Variants in CTNNA2 observed in about 807,000 individuals in gnomAD.
CTNNA2 encodes the protein catenin alpha-2.
A neutral mutation model predicts 101.0 loss-of-function variants in CTNNA2; 42 were observed. The ratio of observed to expected loss-of-function variants is 0.42; its 90% CI spans 0.32 to 0.54. The LOEUF is 0.54. CTNNA2 is among the 20% of genes least tolerant of loss of function. CTNNA2 has a pLI of 0.14. For missense variants in CTNNA2, 871 were observed against 1,223.1 expected (o/e 0.71, Z 4.29); for synonymous variants, 450 against 456.4 (o/e 0.99, Z 0.18).
chr2:80,395,726 A>T (rs191386355), intron 8 of CTNNA2, among the ~76,000 whole-genome samples: 35 of 152,304 alleles, frequency 2.3e-4, no homozygotes, highest in Non-Finnish European at 4.4e-4. Context: ...TACTGCTGAG[A>T]TACTTTCTAT....
intron 7 of CTNNA2, among the ~76,000 whole-genome samples, chr2:79,926,672 C>A (rs747369961): frequency 2.0e-5 from 3 of 151,730 alleles, no homozygotes; most frequent in Non-Finnish European, 4.4e-5. Context: ...GGGCTACTTG[C>A]TGACAAGGGT....
chr2:79,307,515 G>A (rs1676275353), intron 2 of CTNNA2, among the ~76,000 whole-genome samples: 1 of 152,076 alleles, frequency 6.6e-6, no homozygotes, highest in Non-Finnish European at 1.5e-5. Context: ...ATAACATAAT[G>A]TCCTCCAGCA....
intron 9 of CTNNA2, among the ~76,000 whole-genome samples, chr2:80,428,585 A>G (rs1364508909): frequency 6.6e-6 from 1 of 152,176 alleles, no homozygotes; most frequent in Non-Finnish European, 1.5e-5. Context: ...CTTTAATAAA[A>G]CATAGCCTAC....
At chr2:80,082,700 T>A (rs1223427724) in intron 7 of CTNNA2, among the ~76,000 whole-genome samples, 2 of 152,316 alleles carry the variant, frequency 1.3e-5, no homozygotes, top group Middle Eastern at 3.4e-3. Flanking sequence ...ATTAAAGTTA[T>A]CTTTATTAGA....
At chr2:80,328,268 C>T (rs766112507) in intron 7 of CTNNA2, 12 of 470,818 alleles carry the variant, frequency 2.5e-5, no homozygotes, top group Non-Finnish European at 3.5e-5. Context: ...ATTAAAGGGC[C>T]GATAACAACT....
chr2:80,528,799 A>G (rs1216073414), intron 9 of CTNNA2, among the ~76,000 whole-genome samples: 1 of 152,158 alleles, frequency 6.6e-6, no homozygotes, highest in Non-Finnish European at 1.5e-5. Context: ...TGCCTCTGAC[A>G]TGTTTTTACA....
chr2:80,095,076 T>C (rs1345622390), intron 7 of CTNNA2, among the ~76,000 whole-genome samples: 1 of 152,230 alleles, frequency 6.6e-6, no homozygotes, highest in African/African-American at 2.4e-5. Flanking sequence ...TTCCCTGTCT[T>C]GTGCCAGTTT....
At chr2:80,372,728 C>A (rs1371352633) in intron 7 of CTNNA2, among the ~76,000 whole-genome samples, 1 of 149,938 alleles carries the variant, frequency 6.7e-6, no homozygotes. Flanking sequence ...AGTCAATTTG[C>A]ATTGTATCTG....
chr2:79,897,234 A>G (rs998814920), intron 6 of CTNNA2, among the ~76,000 whole-genome samples: 2 of 151,968 alleles, frequency 1.3e-5, no homozygotes, highest in South Asian at 4.2e-4. Context: ...ATAATAACCT[A>G]TTACAGGCCA....
chr2:79,844,638 T>G (rs1274964137), intron 3 of CTNNA2, among the ~76,000 whole-genome samples: 1 of 152,146 alleles, frequency 6.6e-6, no homozygotes, highest in Non-Finnish European at 1.5e-5. Flanking sequence ...TCAGAAATCC[T>G]GTTAGAAGTA....
chr2:79,510,266 G>A (rs1353290954), upstream of CTNNA2, among the ~76,000 whole-genome samples: 1 of 152,114 alleles, frequency 6.6e-6, no homozygotes, highest in Non-Finnish European at 1.5e-5. Flanking sequence ...GACTGTATAT[G>A]TTTATGTCAT....
At chr2:79,259,731 A>G (rs1401835853) in intron 2 of CTNNA2, among the ~76,000 whole-genome samples, 1 of 152,114 alleles carries the variant, frequency 6.6e-6, no homozygotes, top group Non-Finnish European at 1.5e-5. Flanking sequence ...TGTCAGAGTG[A>G]CCTTTTAACC....
At chr2:79,916,780 G>T (rs188030972) in intron 7 of CTNNA2, among the ~76,000 whole-genome samples, 2 of 150,942 alleles carry the variant, frequency 1.3e-5, no homozygotes, top group Non-Finnish European at 3.0e-5. Flanking sequence ...CCACCACCAC[G>T]CCCAGCTAAT....
chr2:80,357,815 CATAGATTGTCA>C (rs1347018220), intron 7 of CTNNA2, among the ~76,000 whole-genome samples: 1 of 152,148 alleles, frequency 6.6e-6, no homozygotes, highest in Admixed American at 6.5e-5. Flanking sequence ...TACTTACCTT[CATAGATTGTCA>C]ACAGCTACTG....
intron 9 of CTNNA2, among the ~76,000 whole-genome samples, chr2:80,475,543 GGCATCA>G (rs1559140282): frequency 6.6e-6 from 1 of 152,028 alleles, no homozygotes; most frequent in African/African-American, 2.4e-5. Context: ...CCCTTGTGTG[GGCATCA>G]GGAAATCTGC....
chr2:80,631,408 G>C (rs139849506), intron 18 of CTNNA2, among the ~76,000 whole-genome samples: 1 of 144,590 alleles, frequency 6.9e-6, no homozygotes, highest in Non-Finnish European at 1.5e-5. Flanking sequence ...TTTCCAGTCC[G>C]CTGAGGATTC....
chr2:79,581,844 A>C (rs1450126516), intron 1 of CTNNA2, among the ~76,000 whole-genome samples: 1 of 152,242 alleles, frequency 6.6e-6, no homozygotes, highest in African/African-American at 2.4e-5. Flanking sequence ...TGTTATGCTA[A>C]CTTTCACATT....
chr2:79,999,068 A>G (rs990820047), intron 7 of CTNNA2, among the ~76,000 whole-genome samples: 1 of 150,670 alleles, frequency 6.6e-6, no homozygotes, highest in Admixed American at 6.6e-5. Flanking sequence ...TTCTAATTCC[A>G]TATTAAAAAA....
At chr2:80,400,026 C>G (rs1008159851) in intron 8 of CTNNA2, among the ~76,000 whole-genome samples, 2 of 152,174 alleles carry the variant, frequency 1.3e-5, no homozygotes, top group South Asian at 2.1e-4. Context: ...AAAACTGTCA[C>G]TGAAAACGAG....
Sources: gnomAD v4.1 joint callset for allele counts (sites outside exome capture counted in the v4.1 genomes callset) on GRCh38, gnomAD v4.1.1 for gene constraint, MANE v1.5 for transcripts, NCBI Gene and HGNC (gene_info 2026-07-23, HGNC 2026-07-21) for gene names.